The following LPIN1 variants were observed in gnomAD, a reference collection of about 807,000 sequenced individuals.
The protein encoded by LPIN1 is lipin 1.
LPIN1 carries 71 observed loss-of-function variants against 107.5 expected under a neutral mutation model. The ratio of observed to expected loss-of-function variants is 0.66; its 90% CI spans 0.55 to 0.80. The LOEUF (loss-of-function observed/expected upper bound fraction) is 0.80. LPIN1 is among the 30% of genes least tolerant of loss of function. The pLI, the probability that LPIN1 is intolerant of heterozygous loss-of-function variation, is 0.00. For synonymous variants in LPIN1, 445 were observed against 452.6 expected (o/e 0.98, Z 0.21); for missense variants, 1,043 against 1,160.6 (o/e 0.90, Z 1.47).
upstream of LPIN1, among the ~76,000 whole-genome samples, chr2:11,741,637 C>T (rs1666372526): frequency 6.6e-6 from 1 of 152,114 alleles, no homozygotes; most frequent in African/African-American, 2.4e-5. Flanking sequence ...CAGTGAAACC[C>T]TGTCTCTACT....
At chr2:11,804,117 G>T (rs1432427789) in intron 15 of LPIN1, among the ~76,000 whole-genome samples, 1 of 152,012 alleles carries the variant, frequency 6.6e-6, no homozygotes, top group Non-Finnish European at 1.5e-5. Context: ...ATTGAATCCT[G>T]GCTAATGACT....
chr2:11,716,504 C>A (rs1207515790), intron 2 of LPIN1, among the ~76,000 whole-genome samples: 1 of 151,866 alleles, frequency 6.6e-6, no homozygotes, highest in East Asian at 1.9e-4. Context: ...AGTGACTGTG[C>A]CACTGTACTA....
At chr2:11,741,567 C>A in intron 2 of LPIN1, 2 of 602,218 alleles carry the variant, frequency 3.3e-6, no homozygotes, top group South Asian at 4.2e-5. Flanking sequence ...GAGTTTGAGA[C>A]CAGCCTGGGC....
chr2:11,681,860 C>T (rs374253416), intron 1 of LPIN1, among the ~76,000 whole-genome samples: 1 of 152,230 alleles, frequency 6.6e-6, no homozygotes, highest in African/African-American at 2.4e-5. Context: ...TGAACAGAGG[C>T]TGGGCGACGT....
rs1010355087 is a variant in LPIN1 at position 11,826,059 on chromosome 2, G to A, written c.*1268G>A. 6.6e-6 allele frequency: 1 copy of A among 152,552 alleles called. No homozygotes were observed. The highest frequency in any genetic ancestry group is 1.5e-5 in the Non-Finnish European group (1 of 68,046). 9.4% of individuals were successfully genotyped at this position (152,552 alleles called of 1,614,324 possible). ...ATTCTTTCACTTGTTTATTACACTG[G>A]CTCGTGGACAGAACAATTTGAAAAG... On this transcript the variant is annotated 3_prime_UTR_variant, in exon 21 of 21. Transcript: ENST00000674199.
chr2:11,809,717 A>AGAT (rs761395135), intron 17 of LPIN1, among the ~76,000 whole-genome samples: 10 of 152,320 alleles, frequency 6.6e-5, no homozygotes, highest in Non-Finnish European at 1.2e-4. Context: ...CGCCCGGCCT[A>AGAT]GATCTTTTTT....
intron 15 of LPIN1, 80 bp from the exon 16 acceptor site, chr2:11,804,343 C>T: frequency 6.6e-7 from 1 of 1,512,382 alleles, no homozygotes; most frequent in Non-Finnish European, 9.2e-7. Context: ...AATCCTGCTT[C>T]TCATAGAACA....
At chr2:11,684,240 C>T (rs919617312) in intron 1 of LPIN1, among the ~76,000 whole-genome samples, 2 of 152,208 alleles carry the variant, frequency 1.3e-5, no homozygotes, top group Non-Finnish European at 2.9e-5. Flanking sequence ...CAAGGGCCAG[C>T]CAGGGTGATG....
chr2:11,700,527 C>T (rs569211069), intron 1 of LPIN1, among the ~76,000 whole-genome samples: 1 of 152,242 alleles, frequency 6.6e-6, no homozygotes, highest in South Asian at 2.1e-4. Flanking sequence ...CCCTCTCCCA[C>T]TCTCCACCCC....
chr2:11,736,751 T>C (rs1349769794), intron 1 of LPIN1, among the ~76,000 whole-genome samples: 1 of 152,246 alleles, frequency 6.6e-6, no homozygotes, highest in East Asian at 1.9e-4. Context: ...CTAAGTGGCC[T>C]CATTCCTGCC....
In LPIN1 at chr2:11,748,134, G is replaced by A. The variant is rs1402483824; in HGVS notation, c.-10+1463G>A. ...CGCAGGGATTCCTGGTTGTAGGGGG[G>A]ACCTTGGAAGTGACTGAGAAGGAGC... On this transcript the variant is annotated intron_variant, in intron 1 of 20. Coordinates refer to ENST00000674199, the MANE Select transcript of LPIN1 (RefSeq NM_001349206.2). Among the ~76,000 whole-genome samples the A allele has an allele frequency of 2.0e-5, 3 of 152,216 alleles. No homozygotes were observed. In the South Asian group the frequency reaches 6.2e-4, roughly 32 times the overall value.
chr2:11,754,921 G>T (rs1411128880), intron 1 of LPIN1, among the ~76,000 whole-genome samples: 1 of 151,760 alleles, frequency 6.6e-6, no homozygotes, highest in Non-Finnish European at 1.5e-5. Flanking sequence ...GCATTGTCTT[G>T]TGAAATTTAT....
rs938544402 is a variant in LPIN1 at position 11,774,733 on chromosome 2, C to A, written c.722+988C>A. Among the ~76,000 whole-genome samples, 1 of 152,130 alleles carries A rather than the reference C, an allele frequency of 6.6e-6. No individual in the cohort carries two copies. The highest frequency in any genetic ancestry group is 1.5e-5 in the Non-Finnish European group (1 of 68,032). The stretch of plus-strand genomic sequence containing the variant: ...GGTAACCTTGTGAATTAGCAAGCAG[C>A]AGTCCCCAGTGTGTGCTGACATGGA... On this transcript the variant is annotated intron_variant, in intron 5 of 20. Coordinates refer to ENST00000674199, the MANE Select transcript of LPIN1 (RefSeq NM_001349206.2). The surrounding 1 kb of genome is among the most constrained non-coding windows in gnomAD (Gnocchi z 4.4).
chr2:11,783,686 T>A (rs1673956719), intron 8 of LPIN1, 143 bp from the exon 9 acceptor site: 3 of 777,240 alleles, frequency 3.9e-6, no homozygotes, highest in Non-Finnish European at 7.1e-6. Flanking sequence ...TAGAACACAC[T>A]TGGAACTGTT....
rs34156190 is a variant in LPIN1, at chr2:11,752,433, A to ATTTTTTTTTTTTTTTTTTTTTT, written c.-10+5778_-10+5779insTTTTTTTTTTTTTTTTTTTTTT. ...TTTTCTTTTGAGCTGTTCCAAGGCC[A>ATTTTTTTTTTTTTTTTTTTTTT]TTTTTTTTTTTTTTTTGAGACGGAG... On this transcript the variant is annotated intron_variant, in intron 1 of 20. Transcript: ENST00000674199. 1.1e-3 allele frequency among the ~76,000 whole-genome samples: 115 copies of ATTTTTTTTTTTTTTTTTTTTTT among 103,856 alleles called. 13 individuals carry two copies. The highest frequency in any genetic ancestry group is 5.9e-3 in the African/African-American group (104 of 17,690). The allele number at this position is 103,856 out of a possible 152,430, so 68.1% of individuals were successfully genotyped here.
At chr2:11,773,941 G>C (rs1443811141) in intron 5 of LPIN1, among the ~76,000 whole-genome samples, 196 bp downstream of exon 5, 1 of 152,230 alleles carries the variant, frequency 6.6e-6, no homozygotes, top group African/African-American at 2.4e-5. Context: ...TCTGGTGTCA[G>C]AATCCATCTG....
chr2:11,821,174 A>C (rs1055870954), intron 20 of LPIN1, among the ~76,000 whole-genome samples: 24 of 152,104 alleles, frequency 1.6e-4, no homozygotes, highest in African/African-American at 5.8e-4. Flanking sequence ...TGCCTTGTCC[A>C]TTTCAGAGAC....
At chr2:11,802,254 AG>A (rs1460551492) in intron 14 of LPIN1, among the ~76,000 whole-genome samples, 4 of 152,208 alleles carry the variant, frequency 2.6e-5, no homozygotes, top group African/African-American at 9.7e-5. Context: ...AAAGAAAACG[AG>A]CCTAATTCCC....
At chr2:11,690,751 T>C (rs939317586) in intron 1 of LPIN1, among the ~76,000 whole-genome samples, 10 of 152,220 alleles carry the variant, frequency 6.6e-5, no homozygotes, top group African/African-American at 2.4e-4. Context: ...ATATTGATAT[T>C]TATGTTTTAA....
Sources: gnomAD v4.1 joint callset for allele counts (sites outside exome capture counted in the v4.1 genomes callset) on GRCh38, gnomAD v4.1.1 for gene constraint, Gnocchi (gnomAD v3.1) non-coding constraint, MANE v1.5 for transcripts, NCBI Gene and HGNC (gene_info 2026-07-23, HGNC 2026-07-21) for gene names.